The following AFAP1L2 variants were observed in gnomAD, a reference collection of about 807,000 sequenced individuals.
AFAP1L2 encodes actin filament-associated protein 1-like 2.
A neutral mutation model predicts 99.3 loss-of-function variants in AFAP1L2; 46 were observed. That is an observed-to-expected ratio of 0.46 (90% CI 0.37 to 0.59). AFAP1L2 has a LOEUF of 0.59. Among genes scored for constraint, AFAP1L2 ranks in the 20% least tolerant of loss-of-function variants. AFAP1L2 has a pLI of 0.00. For synonymous variants in AFAP1L2, 397 were observed against 419.1 expected (o/e 0.95, Z 0.64); for missense variants, 959 against 1,034.9 (o/e 0.93, Z 1.01).
chr10:114,316,909 T>A lies in AFAP1L2; in HGVS notation c.407-1144A>T, dbSNP rs531755534. ...CCACGGAGGGCTCACTATCTCCTGA[T>A]CCCTGGATACTCCCATTCCCGGCAG... On this transcript the variant is annotated intron_variant, in intron 5 of 18. Transcript: ENST00000304129. Among the ~76,000 whole-genome samples, 328 of 152,328 alleles carry A rather than the reference T, an allele frequency of 2.2e-3. 1 individual carries two copies. Among genetic ancestry groups the A allele is most frequent in the African/African-American group, 7.6e-3 (318 of 41,570 alleles).
At chr10:114,289,636 C>T in the AFAP1L2 span, 1 of 870,124 alleles carries the variant, frequency 1.1e-6, no homozygotes, top group South Asian at 1.6e-5. Context: ...AAACCCCATG[C>T]TCACATAAAA....
intron 5 of AFAP1L2, among the ~76,000 whole-genome samples, chr10:114,321,228 G>A (rs956167754): frequency 2.6e-5 from 4 of 152,032 alleles, no homozygotes; most frequent in East Asian, 1.9e-4. Context: ...ACACTGTACC[G>A]AATATGTAGT....
chr10:114,353,402 T>C (rs2050838110), intron 1 of AFAP1L2, among the ~76,000 whole-genome samples: 1 of 152,194 alleles, frequency 6.6e-6, no homozygotes, highest in African/African-American at 2.4e-5. Flanking sequence ...CTGAATTAGG[T>C]TTCTTTTGCT....
chr10:114,295,058 G>A lies in AFAP1L2; in HGVS notation c.*984C>T. 1.0e-6 allele frequency: 1 copy of A among 983,894 alleles called. No individual in the cohort carries two copies. The highest frequency in any genetic ancestry group is 1.2e-6 in the Non-Finnish European group (1 of 829,656). 60.9% of individuals were successfully genotyped at this position (983,894 alleles called of 1,614,324 possible). ...AAATGCCATCAGAGGAAAAGACAGGGGCAGCACAAGGAACAGCACTGCCAA... is the reference window on the plus strand; with the variant it reads ...AAATGCCATCAGAGGAAAAGACAGGAGCAGCACAAGGAACAGCACTGCCAA... On this transcript the variant is annotated 3_prime_UTR_variant, in exon 19 of 19. Coordinates refer to ENST00000304129, the MANE Select transcript of AFAP1L2 (RefSeq NM_001001936.3).
intron 1 of AFAP1L2, among the ~76,000 whole-genome samples, chr10:114,351,892 G>A (rs942910185): frequency 7.2e-5 from 11 of 152,136 alleles, no homozygotes; most frequent in Non-Finnish European, 1.3e-4. Context: ...TCCACATCTT[G>A]GCTCACTCTT....
At chr10:114,379,366 C>G (rs1393841284) in intron 1 of AFAP1L2, among the ~76,000 whole-genome samples, 2 of 152,100 alleles carry the variant, frequency 1.3e-5, no homozygotes, top group East Asian at 1.9e-4. Context: ...GCTCCTCCCC[C>G]ACAGTGATGT....
chr10:114,298,152 C>T (rs571990364), intron 16 of AFAP1L2, among the ~76,000 whole-genome samples: 27 of 152,030 alleles, frequency 1.8e-4, no homozygotes, highest in Non-Finnish European at 3.1e-4. Flanking sequence ...CTGAGGCAGG[C>T]AGATCACTTA....
chr10:114,328,689 C>G (rs931952301), intron 4 of AFAP1L2, among the ~76,000 whole-genome samples: 1 of 152,218 alleles, frequency 6.6e-6, no homozygotes, highest in Non-Finnish European at 1.5e-5. Context: ...CTCTGGTTCT[C>G]CTCCTCCTTC....
At chr10:114,291,094 C>G, downstream of AFAP1L2, 3 of 1,158,170 alleles carry the variant, frequency 2.6e-6, no homozygotes, top group Non-Finnish European at 3.8e-6. Flanking sequence ...AATCTGGCAT[C>G]TTCTGCTGGG....
At chr10:114,307,461 G>A (rs1269940441) in intron 10 of AFAP1L2, among the ~76,000 whole-genome samples, 1 of 151,804 alleles carries the variant, frequency 6.6e-6, no homozygotes, top group African/African-American at 2.4e-5. Context: ...TCAGTACTGT[G>A]CCTGCCATCC....
At chr10:114,309,623 C>CT (rs1178370992) in intron 8 of AFAP1L2, among the ~76,000 whole-genome samples, 3 of 63,382 alleles carry the variant, frequency 4.7e-5, no homozygotes, top group African/African-American at 6.1e-5. Context: ...AAGCCTAAAG[C>CT]TCCCCGAAAG....
chr10:114,301,104 C>T (rs905376637), intron 13 of AFAP1L2, among the ~76,000 whole-genome samples: 1 of 152,198 alleles, frequency 6.6e-6, no homozygotes, highest in South Asian at 2.1e-4. Flanking sequence ...ACCACCACAC[C>T]CCTAGCCCTG....
intron 1 of AFAP1L2, among the ~76,000 whole-genome samples, chr10:114,356,731 G>T (rs2051447695): frequency 6.6e-6 from 1 of 152,176 alleles, no homozygotes; most frequent in East Asian, 1.9e-4. Flanking sequence ...TCCTGCCCAA[G>T]GCTTTCTAAA....
chr10:114,355,426 CA>C (rs1564963966), intron 1 of AFAP1L2, among the ~76,000 whole-genome samples: 1 of 151,942 alleles, frequency 6.6e-6, no homozygotes, highest in Non-Finnish European at 1.5e-5. Context: ...GACTGATGCT[CA>C]CATCCCTGTG....
At chr10:114,310,196 G>A (rs2043011079) in intron 8 of AFAP1L2, among the ~76,000 whole-genome samples, 158 bp downstream of exon 8, 1 of 152,232 alleles carries the variant, frequency 6.6e-6, no homozygotes. Flanking sequence ...CAAAGTGCTT[G>A]GCTTACAGGC....
At chr10:114,365,539 T>G (rs1490031134) in intron 1 of AFAP1L2, among the ~76,000 whole-genome samples, 2 of 152,154 alleles carry the variant, frequency 1.3e-5, no homozygotes, top group Non-Finnish European at 2.9e-5. Context: ...TTATCCTGTA[T>G]AGAAAACTAC....
Position 114,300,551 on chromosome 10 carries a change from G to A in AFAP1L2, c.1682C>T (p.Thr561Met), listed in dbSNP as rs376841532. 1.4e-5 allele frequency: 22 copies of A among 1,614,052 alleles called. No individual in the cohort carries two copies. The Admixed American group carries it at 2.0e-4, about 15-fold the overall frequency. ...AGTTGCATTGTCCAGGCAGGACAACGTCGGGGAGGAGGCCTGGGCCTGTGC... is the reference window on the plus strand; with the variant it reads ...AGTTGCATTGTCCAGGCAGGACAACATCGGGGAGGAGGCCTGGGCCTGTGC... The part of the protein sequence containing the change: ...SSAQAQASSP[T>M]LSCLDNATEA... Residue 561 changes from threonine to methionine, a missense_variant, in exon 14 of 19, where the codon ACG becomes ATG. Thr to Met is a moderately conservative substitution (Grantham distance 81). Coordinates refer to ENST00000304129, the MANE Select transcript of AFAP1L2 (RefSeq NM_001001936.3).
At position 114,296,088 on chromosome 10, in the gene AFAP1L2, C is replaced by T. The variant is rs569066452; in HGVS notation, c.2431-20G>A. On this transcript the variant is annotated intron_variant, in intron 18 of 18. Transcript: ENST00000304129. ...CCATTCCTAGGGTACCATTCAAATA[C>T]CAGCACCCACCCCCCACCAAAAAGA... 6.4e-5 allele frequency: 103 copies of T among 1,614,154 alleles called. 3 individuals carry two copies. In the South Asian group the frequency reaches 1.1e-3, roughly 17 times the overall value.
chr10:114,387,447 C>T (rs897804514), intron 1 of AFAP1L2, among the ~76,000 whole-genome samples: 1 of 152,128 alleles, frequency 6.6e-6, no homozygotes, highest in Non-Finnish European at 1.5e-5. Context: ...TTACTAAAAG[C>T]AAAGGCTGTA....
Sources: allele counts gnomAD v4.1 joint callset (sites outside exome capture counted in the v4.1 genomes callset), GRCh38; gene constraint gnomAD v4.1.1; transcripts MANE v1.5; gene names NCBI Gene and HGNC (gene_info 2026-07-23, HGNC 2026-07-21).